Variants in PRSS38 observed in about 807,000 individuals in gnomAD.
The protein encoded by PRSS38 is serine protease 38.
PRSS38 carries 22 observed loss-of-function variants against 26.8 expected under a neutral mutation model. That is an observed-to-expected ratio of 0.82 (90% CI 0.59 to 1.17). The LOEUF is 1.17. Among genes scored for constraint, PRSS38 ranks in the 50% most tolerant of loss-of-function variants. The pLI is 0.00. For missense variants in PRSS38, 427 were observed against 422.7 expected (o/e 1.01, Z -0.09); for synonymous variants, 175 against 172.1 (o/e 1.02, Z -0.13).
intron 3 of PRSS38, among the ~76,000 whole-genome samples, chr1:227,833,729 A>G (rs1309206597): frequency 1.3e-5 from 2 of 152,234 alleles, no homozygotes; most frequent in Non-Finnish European, 2.9e-5. Context: ...AGTCTGTTCA[A>G]CAAATTGTAC....
chr1:227,828,664 T>C (rs1665109166), intron 3 of PRSS38, among the ~76,000 whole-genome samples: 1 of 151,916 alleles, frequency 6.6e-6, no homozygotes, highest in Non-Finnish European at 1.5e-5. Context: ...TGAAGAAGGG[T>C]CCTCAACAAA....
rs181030732 is a variant in PRSS38 at position 227,823,487 on chromosome 1, T to C, written c.583+6007T>C. 1.7e-4 allele frequency among the ~76,000 whole-genome samples: 26 copies of C among 152,262 alleles called. No homozygotes were observed. The East Asian group carries it at 4.8e-3, about 28-fold the overall frequency. The stretch of plus-strand genomic sequence containing the variant: ...TATATTGACATAGTTTGGATGTTTG[T>C]TTCCTCCAAATCTCATGTTAAAATG... On this transcript the variant is annotated intron_variant, in intron 3 of 4. Coordinates refer to ENST00000366757, the Ensembl canonical transcript of PRSS38.
At chr1:227,830,513 T>G (rs986744909) in intron 3 of PRSS38, among the ~76,000 whole-genome samples, 1 of 149,540 alleles carries the variant, frequency 6.7e-6, no homozygotes, top group African/African-American at 2.4e-5. Flanking sequence ...TTTTTTTTTT[T>G]TTTTTTTGAG....
intron 3 of PRSS38, among the ~76,000 whole-genome samples, chr1:227,843,959 GCCTGGGTGACAGAGTGAGAC>G (rs957061193): frequency 1.3e-5 from 2 of 152,142 alleles, no homozygotes; most frequent in African/African-American, 4.8e-5. Flanking sequence ...ATGCACTCCA[GCCTGGGTGACAGAGTGAGAC>G]CCTGTCTCAA....
rs73102844 is a variant in PRSS38, at chr1:227,834,015, A to G, written c.584-11455A>G. ...GCCTTGTCCAATATGACTGAAGGAC[A>G]TATAGGAAGGGGAGAAGGGACACAG... On this transcript the variant is annotated intron_variant, in intron 3 of 4. Transcript: ENST00000366757. Among the ~76,000 whole-genome samples, 1,500 of 152,280 alleles carry G rather than the reference A, an allele frequency of 9.9e-3. 39 individuals are homozygous for G. Among genetic ancestry groups the G allele is most frequent in the African/African-American group, 0.035 (1,451 of 41,544 alleles).
At chr1:227,837,049 G>A (rs956904811) in intron 3 of PRSS38, among the ~76,000 whole-genome samples, 3 of 152,196 alleles carry the variant, frequency 2.0e-5, no homozygotes, top group African/African-American at 7.2e-5. Context: ...GGAGTGCAGC[G>A]GCACAGTCAT....
chr1:227,842,625 G>A (rs1004603038), intron 3 of PRSS38, among the ~76,000 whole-genome samples: 13 of 151,496 alleles, frequency 8.6e-5, no homozygotes, highest in Non-Finnish European at 1.5e-4. Flanking sequence ...TGTTGCTCAG[G>A]CTGGAGTGCA....
chr1:227,836,290 G>A (rs1665237334), intron 3 of PRSS38, among the ~76,000 whole-genome samples: 1 of 151,940 alleles, frequency 6.6e-6, no homozygotes, highest in South Asian at 2.1e-4. Context: ...TGTAGAGATG[G>A]GGGTCTCATT....
intron 3 of PRSS38, among the ~76,000 whole-genome samples, chr1:227,824,451 T>A (rs1665043720): frequency 6.6e-6 from 1 of 152,230 alleles, no homozygotes; most frequent in South Asian, 2.1e-4. Flanking sequence ...GTACCACATT[T>A]TTTTATCCAG....
At chr1:227,830,426 T>A (rs116664280) in intron 3 of PRSS38, among the ~76,000 whole-genome samples, 2,753 of 151,782 alleles carry the variant, frequency 0.018, 92 homozygotes, top group African/African-American at 0.063. Flanking sequence ...TTTATTATTG[T>A]CCTATTACTT....
At position 227,816,387 on chromosome 1, in the gene PRSS38, G is replaced by A; in HGVS notation, c.311+135G>A. 2 of 928,136 alleles carry A rather than the reference G, an allele frequency of 2.2e-6. No individual in the cohort carries two copies. The highest frequency in any genetic ancestry group is 1.7e-5 in the South Asian group (1 of 60,258). The allele number at this position is 928,136 out of a possible 1,614,324, so 57.5% of individuals were successfully genotyped here. On this transcript the variant is annotated intron_variant, in intron 2 of 4. Transcript: ENST00000366757. The surrounding 1 kb of genome is among the most constrained non-coding windows in gnomAD (Gnocchi z 5.1). Reference sequence around the variant, plus strand: ...CTTCACCACTGTCGACCCGCGCAAGGCCAGGTCCCCACCAGTGAGGCTGGT... The same window carrying A: ...CTTCACCACTGTCGACCCGCGCAAGACCAGGTCCCCACCAGTGAGGCTGGT...
chr1:227,834,831 CA>C (rs567089275), intron 3 of PRSS38, among the ~76,000 whole-genome samples: 3 of 151,740 alleles, frequency 2.0e-5, no homozygotes, highest in East Asian at 3.9e-4. Context: ...TAAATTGTCT[CA>C]AAAAAAATTG....
intron 3 of PRSS38, among the ~76,000 whole-genome samples, chr1:227,843,442 C>T (rs1393369561): frequency 1.3e-5 from 2 of 152,252 alleles, no homozygotes; most frequent in African/African-American, 4.8e-5. Flanking sequence ...GTGGCTCACG[C>T]CTGTAATCCC....
intron 3 of PRSS38, among the ~76,000 whole-genome samples, chr1:227,833,148 A>G (rs1182331850): frequency 4.6e-5 from 7 of 152,180 alleles, no homozygotes. Flanking sequence ...CAAGATACCA[A>G]TGCCCCTTTT....
chr1:227,831,452 G>A (rs941374686), intron 3 of PRSS38, among the ~76,000 whole-genome samples: 3 of 152,196 alleles, frequency 2.0e-5, no homozygotes, highest in Non-Finnish European at 4.4e-5. Flanking sequence ...CCTGGTAAAT[G>A]ATCCATGTGT....
At position 227,816,439 on chromosome 1, in the gene PRSS38, T is replaced by TTGAGGCGGGTCCCCATC. The variant is rs1664919419; in HGVS notation, c.311+187_311+188insTGAGGCGGGTCCCCATC. ...CCCAAACACACAGCTGGGTCCCCAT[T>TTGAGGCGGGTCCCCATC]CTTGAGGCTGGTCCCCCAAGTGCAC... is the stretch of plus-strand genomic sequence containing the variant. On this transcript the variant is annotated intron_variant, in intron 2 of 4. Transcript: ENST00000366757. The surrounding 1 kb of genome is among the most constrained non-coding windows in gnomAD (Gnocchi z 5.1). Among the ~76,000 whole-genome samples the TTGAGGCGGGTCCCCATC allele has an allele frequency of 6.6e-6, 1 of 152,076 alleles. No individual in the cohort carries two copies. The highest frequency in any genetic ancestry group is 1.5e-5 in the Non-Finnish European group (1 of 68,006).
At chr1:227,833,608 G>A (rs1665194236) in intron 3 of PRSS38, among the ~76,000 whole-genome samples, 1 of 152,096 alleles carries the variant, frequency 6.6e-6, no homozygotes, top group African/African-American at 2.4e-5. Context: ...AAAATCGTGG[G>A]TTATGGCATA....
intron 3 of PRSS38, among the ~76,000 whole-genome samples, chr1:227,818,447 G>A (rs983082955): frequency 2.0e-5 from 3 of 152,112 alleles, no homozygotes; most frequent in Non-Finnish European, 2.9e-5. Context: ...GGGAGGCTGA[G>A]GTGGGAGGAT....
intron 1 of PRSS38, 96 bp downstream of exon 1, chr1:227,815,960 C>T: frequency 1.3e-6 from 2 of 1,501,306 alleles, no homozygotes; most frequent in South Asian, 1.3e-5. Flanking sequence ...CCTGCCCATC[C>T]CTTCCCCTCC....
Sources: allele counts gnomAD v4.1 joint callset (sites outside exome capture counted in the v4.1 genomes callset), GRCh38; gene constraint gnomAD v4.1.1; non-coding constraint Gnocchi (gnomAD v3.1); transcripts MANE v1.5; gene names NCBI Gene and HGNC (gene_info 2026-07-23, HGNC 2026-07-21).